CNTN4: variants seen among roughly 807,000 people sequenced by gnomAD.
The protein encoded by CNTN4 is contactin 4, also known as contactin-4.
In CNTN4, 77 loss-of-function variants were observed where a neutral mutation model predicts 122.5. That is an observed-to-expected ratio of 0.63 (90% CI 0.52 to 0.76). The LOEUF (loss-of-function observed/expected upper bound fraction) is 0.76. Among genes scored for constraint, CNTN4 ranks in the 30% least tolerant of loss-of-function variants. CNTN4 has a pLI of 0.00. For missense variants in CNTN4, 1,256 were observed against 1,259.1 expected, an observed-to-expected ratio of 1.00 and a Z score of 0.04; for synonymous variants, 512 against 447.0, an observed-to-expected ratio of 1.15 and a Z score of -1.83.
At chr3:2,536,492 A>AATATCATAAAAC (rs2077811360) in intron 3 of CNTN4, among the ~76,000 whole-genome samples, 1 of 152,154 alleles carries the variant, frequency 6.6e-6, no homozygotes, top group Non-Finnish European at 1.5e-5. Context: ...TGGTTTTCTC[A>AATATCATAAAAC]AGTATATATC....
chr3:2,726,113 G>GTTTTGGCTTCATTCTCTT (rs1382131506), intron 4 of CNTN4, among the ~76,000 whole-genome samples: 1 of 152,144 alleles, frequency 6.6e-6, no homozygotes, highest in Non-Finnish European at 1.5e-5. Flanking sequence ...GCTCTTTTCT[G>GTTTTGGCTTCATTCTCTT]TTTTGGCTTC....
intron 6 of CNTN4, among the ~76,000 whole-genome samples, chr3:2,799,679 G>A (rs1181246373): frequency 6.6e-6 from 1 of 152,060 alleles, no homozygotes. Flanking sequence ...TGCCAGGCTG[G>A]CCTCAAACTC....
intron 13 of CNTN4, among the ~76,000 whole-genome samples, chr3:2,950,127 G>C (rs576583157): frequency 6.6e-6 from 1 of 152,338 alleles, no homozygotes; most frequent in Non-Finnish European, 1.5e-5. Flanking sequence ...ATGTGGACTT[G>C]CAGAGACTCA....
intron 4 of CNTN4, among the ~76,000 whole-genome samples, chr3:2,661,809 C>CAAAAAAAA (rs544079802): frequency 2.5e-5 from 2 of 78,494 alleles, no homozygotes; most frequent in Non-Finnish European, 5.1e-5. Context: ...AATTCCATCT[C>CAAAAAAAA]AAAAAAAAAA....
At chr3:2,274,375 T>C (rs1447873626) in intron 2 of CNTN4, among the ~76,000 whole-genome samples, 2 of 131,464 alleles carry the variant, frequency 1.5e-5, no homozygotes, top group Non-Finnish European at 3.3e-5. Flanking sequence ...AGAGAGAGAC[T>C]CCATCAAAAA....
chr3:2,880,459 T>C (rs1396409159), intron 8 of CNTN4, among the ~76,000 whole-genome samples: 1 of 152,210 alleles, frequency 6.6e-6, no homozygotes, highest in East Asian at 1.9e-4. Flanking sequence ...GTCATACTAC[T>C]GATATTTATG....
chr3:3,031,079 C>T (rs185399884), intron 16 of CNTN4, 104 bp downstream of exon 16: 3 of 1,440,444 alleles, frequency 2.1e-6, no homozygotes, highest in African/African-American at 2.8e-5. Context: ...GGGAAAAAGT[C>T]AGGCAGAAGC....
chr3:2,934,222 C>T (rs1007896594), intron 13 of CNTN4, among the ~76,000 whole-genome samples: 12 of 152,148 alleles, frequency 7.9e-5, no homozygotes, highest in African/African-American at 1.2e-4. Flanking sequence ...CTTGCCAAAC[C>T]GAAATACATG....
chr3:2,956,954 C>T (rs1312964995), intron 13 of CNTN4, among the ~76,000 whole-genome samples: 1 of 152,168 alleles, frequency 6.6e-6, no homozygotes, highest in African/African-American at 2.4e-5. Context: ...ATCCTTGTTG[C>T]TGCAATGGCA....
chr3:2,758,517 C>CT (rs34531341), intron 6 of CNTN4, among the ~76,000 whole-genome samples: 1,417 of 124,194 alleles, frequency 0.011, 57 homozygotes, highest in African/African-American at 0.039. Flanking sequence ...CAACACCATA[C>CT]TTTTTTTTTT....
At chr3:2,753,059 G>A (rs1055258594) in intron 6 of CNTN4, among the ~76,000 whole-genome samples, 2 of 151,926 alleles carry the variant, frequency 1.3e-5, no homozygotes, top group African/African-American at 4.8e-5. Flanking sequence ...TTTGGCTATT[G>A]TCAATAGTGC....
intron 2 of CNTN4, among the ~76,000 whole-genome samples, chr3:2,317,550 G>C: frequency 6.6e-6 from 1 of 152,212 alleles, no homozygotes; most frequent in East Asian, 1.9e-4. Context: ...CCATTGGTTC[G>C]TTGTGCAGTG....
intron 5 of CNTN4, among the ~76,000 whole-genome samples, chr3:2,744,783 TC>T (rs1482611297): frequency 6.6e-6 from 1 of 152,166 alleles, no homozygotes; most frequent in East Asian, 1.9e-4. Flanking sequence ...AATGTGTGGG[TC>T]CCACTAAACC....
intron 6 of CNTN4, among the ~76,000 whole-genome samples, chr3:2,786,392 G>T (rs2091832254): frequency 1.3e-5 from 2 of 152,182 alleles, no homozygotes; most frequent in Admixed American, 1.3e-4. Flanking sequence ...TCTGCACAGA[G>T]TGTTGCTCCT....
chr3:2,667,731 C>T lies in CNTN4; in HGVS notation c.56-68484C>T, dbSNP rs1480275959. Among the ~76,000 whole-genome samples, 4 of 125,068 alleles carry T rather than the reference C, an allele frequency of 3.2e-5. 1 individual carries two copies. The highest frequency in any genetic ancestry group is 3.1e-4 in the South Asian group (1 of 3,208). The allele number at this position is 125,068 out of a possible 152,430, so 82.0% of individuals were successfully genotyped here. ...AGGGTTTTTATGGTTTTAGGTTTAACGTTTAAATCTTTAATCCATCTTGAA... is the reference window on the plus strand; with the variant it reads ...AGGGTTTTTATGGTTTTAGGTTTAATGTTTAAATCTTTAATCCATCTTGAA... On this transcript the variant is annotated intron_variant, in intron 4 of 24. Transcript: ENST00000418658.
chr3:2,657,990 A>T (rs557024097), intron 4 of CNTN4, among the ~76,000 whole-genome samples: 14 of 149,958 alleles, frequency 9.3e-5, no homozygotes, highest in South Asian at 2.2e-4. Context: ...TGAGTTGCCC[A>T]TACAGAGGAA....
At chr3:2,386,811 G>A (rs766924698) in intron 3 of CNTN4, among the ~76,000 whole-genome samples, 1 of 152,178 alleles carries the variant, frequency 6.6e-6, no homozygotes, top group Non-Finnish European at 1.5e-5. Context: ...AGGGTAGTTA[G>A]TGATAAATTG....
intron 3 of CNTN4, among the ~76,000 whole-genome samples, chr3:2,350,169 G>A (rs1182572819): frequency 6.6e-6 from 1 of 152,176 alleles, no homozygotes; most frequent in Non-Finnish European, 1.5e-5. Flanking sequence ...CTAGGAGAAT[G>A]AAGTTTTAAA....
intron 2 of CNTN4, among the ~76,000 whole-genome samples, chr3:2,217,682 AAG>A (rs148635480): frequency 1.3e-5 from 2 of 151,442 alleles, no homozygotes; most frequent in African/African-American, 4.9e-5. Context: ...AAGCATTATA[AAG>A]AGAGAGAGAA....
Sources: allele counts gnomAD v4.1 joint callset (sites outside exome capture counted in the v4.1 genomes callset), GRCh38; gene constraint gnomAD v4.1.1; transcripts MANE v1.5; gene names NCBI Gene and HGNC (gene_info 2026-07-23, HGNC 2026-07-21).